Variants in SPMIP2 observed in about 807,000 individuals in gnomAD.
The protein encoded by SPMIP2 is sperm microtubule inner protein 2.
chr4:159,064,536 C>T, the SPMIP2 span: 1 of 149,280 alleles, frequency 6.7e-6, no homozygotes, highest in Non-Finnish European at 1.5e-5. Context: ...GCAGATGATT[C>T]GTATTTTTCC....
At chr4:158,906,652 CT>C in the SPMIP2 span, 1 of 152,200 alleles carries the variant, frequency 6.6e-6, no homozygotes, top group African/African-American at 2.4e-5. Flanking sequence ...TGGGGGCTGT[CT>C]CCGTGACACT....
At chr4:159,055,130 T>C in the SPMIP2 span, among the ~76,000 whole-genome samples, 1 of 152,200 alleles carries the variant, frequency 6.6e-6, no homozygotes. Context: ...ATCTCAAGGC[T>C]TCCTTAGACC....
At chr4:158,893,746 T>C in the SPMIP2 span, 2 of 1,503,222 alleles carry the variant, frequency 1.3e-6, no homozygotes, top group Non-Finnish European at 9.1e-7. Flanking sequence ...ATATTAGACT[T>C]CATAGTTTAC....
the SPMIP2 span, among the ~76,000 whole-genome samples, chr4:158,896,364 A>G: frequency 6.6e-6 from 1 of 152,118 alleles, no homozygotes; most frequent in Non-Finnish European, 1.5e-5. Context: ...ACCAAAGAGG[A>G]GACTTGTATG....
the SPMIP2 span, among the ~76,000 whole-genome samples, chr4:159,068,459 A>G: frequency 2.1e-5 from 3 of 146,236 alleles, no homozygotes; most frequent in South Asian, 7.0e-4. Context: ...GAATTGAACA[A>G]TGAGAACACA....
At chr4:158,923,273 T>C in the SPMIP2 span, among the ~76,000 whole-genome samples, 1 of 152,224 alleles carries the variant, frequency 6.6e-6, no homozygotes, top group African/African-American at 2.4e-5. Flanking sequence ...AGGATACACT[T>C]GTCAATTTCT....
At chr4:158,970,880 T>G in the SPMIP2 span, among the ~76,000 whole-genome samples, 1 of 152,158 alleles carries the variant, frequency 6.6e-6, no homozygotes, top group Non-Finnish European at 1.5e-5. Flanking sequence ...TCCAAGCAGT[T>G]TCTGAGCGTG....
the SPMIP2 span, among the ~76,000 whole-genome samples, chr4:158,995,376 G>C: frequency 6.6e-6 from 1 of 152,068 alleles, no homozygotes; most frequent in Non-Finnish European, 1.5e-5. Context: ...TTATAAATTG[G>C]AATTCAGTCA....
the SPMIP2 span, among the ~76,000 whole-genome samples, chr4:158,894,146 A>ATCAAGTCTTT: frequency 6.6e-6 from 1 of 151,194 alleles, no homozygotes; most frequent in African/African-American, 2.4e-5. Context: ...CAATGGAATA[A>ATCAAGTCTTT]TCAAGTCTTT....
At chr4:158,971,530 T>C in the SPMIP2 span, among the ~76,000 whole-genome samples, 1 of 152,182 alleles carries the variant, frequency 6.6e-6, no homozygotes, top group Non-Finnish European at 1.5e-5. Flanking sequence ...AATATCATAC[T>C]AAATTTAATG....
chr4:159,010,737 T>A, the SPMIP2 span, among the ~76,000 whole-genome samples: 3 of 152,168 alleles, frequency 2.0e-5, no homozygotes, highest in Non-Finnish European at 4.4e-5. Flanking sequence ...GTCAGCTTTG[T>A]TGGCAACTGA....
chr4:159,066,605 ATATATATATATATATAG>A, the SPMIP2 span, among the ~76,000 whole-genome samples: 24 of 145,540 alleles, frequency 1.6e-4, 1 homozygote, highest in Admixed American at 9.0e-4. Flanking sequence ...ATATATATAT[ATATATATATATATATAG>A]TATTAAAGGG....
At chr4:158,982,293 C>T in the SPMIP2 span, among the ~76,000 whole-genome samples, 1 of 152,124 alleles carries the variant, frequency 6.6e-6, no homozygotes, top group Non-Finnish European at 1.5e-5. Flanking sequence ...TAACACCCCA[C>T]CATTAATATT....
At chr4:159,045,307 A>G in the SPMIP2 span, among the ~76,000 whole-genome samples, 1 of 152,184 alleles carries the variant, frequency 6.6e-6, no homozygotes, top group Non-Finnish European at 1.5e-5. Flanking sequence ...TTTAATCAAG[A>G]TTTTTAATCT....
the SPMIP2 span, among the ~76,000 whole-genome samples, chr4:158,963,547 A>C: frequency 2.6e-5 from 4 of 152,180 alleles, no homozygotes; most frequent in Non-Finnish European, 5.9e-5. Context: ...TCAGCCTCCC[A>C]AAGTGCTGGG....
the SPMIP2 span, chr4:158,972,964 C>T: frequency 2.8e-6 from 2 of 706,374 alleles, no homozygotes; most frequent in Non-Finnish European, 4.6e-6. Flanking sequence ...AAACTCAAAC[C>T]TCATTATGTC....
At chr4:159,020,609 C>A in the SPMIP2 span, among the ~76,000 whole-genome samples, 3 of 152,152 alleles carry the variant, frequency 2.0e-5, no homozygotes, top group African/African-American at 4.8e-5. Flanking sequence ...CCCTATGCCA[C>A]CTTCTGGGAA....
chr4:158,895,465 C>T, the SPMIP2 span, among the ~76,000 whole-genome samples: 6 of 152,176 alleles, frequency 3.9e-5, no homozygotes, highest in South Asian at 1.2e-3. Context: ...AGGCAAGAAA[C>T]ACTTTTGGAA....
the SPMIP2 span, among the ~76,000 whole-genome samples, chr4:159,054,717 G>A: frequency 9.8e-3 from 1,486 of 152,294 alleles, 31 homozygotes; most frequent in African/African-American, 0.034. Flanking sequence ...CCTGAGGACA[G>A]TGGCCATCCC....
Sources: gnomAD v4.1 joint callset for allele counts (sites outside exome capture counted in the v4.1 genomes callset) on GRCh38, gnomAD v4.1.1 for gene constraint, MANE v1.5 for transcripts, NCBI Gene and HGNC (gene_info 2026-07-23, HGNC 2026-07-21) for gene names.